The following TEX15 variants were observed in gnomAD, a reference collection of about 807,000 sequenced individuals.
TEX15 encodes testis expressed 15, meiosis and synapsis associated.
Under a neutral mutation model 237.3 loss-of-function variants are expected in TEX15, and 171 were observed. The ratio of observed to expected loss-of-function variants is 0.72; its 90% CI spans 0.64 to 0.82. The LOEUF is 0.82. Ranked by LOEUF, TEX15 falls within the 40% of genes least tolerant of loss-of-function variation. The probability of loss-of-function intolerance (pLI) is 0.00; values close to 1 mark genes in which losing one functional copy is unlikely to be tolerated. For missense variants in TEX15, 3,750 were observed against 3,646.5 expected (o/e 1.03, Z -0.73); for synonymous variants, 1,338 against 1,269.8 (o/e 1.05, Z -1.14).
At chr8:30,841,654 T>C (rs323341) in intron 8 of TEX15, among the ~76,000 whole-genome samples, 3,303 of 152,300 alleles carry the variant, frequency 0.022, 115 homozygotes, top group African/African-American at 0.075. Context: ...CATAGGCTTG[T>C]TATACAGAAA....
Position 30,843,204 on chromosome 8 carries a change from A to T in TEX15, c.6963T>A (p.Asp2321Glu). ...LQKIYDTLSK[D>E]LNNEPISPIG... ...TAGGGGAAATTGGTTCATTGTTTAA[A>T]TCTTTAGACAAAGTATCATATATCT... The change falls in exon 8 of 11, where the codon GAT (aspartate) becomes GAA (glutamate). Residue 2321 changes from aspartate (D) to glutamate (E), a missense_variant. Coordinates refer to ENST00000643185, the MANE Select transcript of TEX15 (RefSeq NM_001350162.2). 6.2e-7 allele frequency: 1 copy of T among 1,613,510 alleles called. No individual in the cohort carries two copies. Among genetic ancestry groups the T allele is most frequent in the Non-Finnish European group, 8.5e-7 (1 of 1,179,636 alleles).
Position 30,843,153 on chromosome 8 carries a change from A to G in TEX15, c.7014T>C (p.Ile2338=), listed in dbSNP as rs1320389202. The change falls in exon 8 of 11, where the codon ATT becomes ATC. Residue 2338 remains isoleucine, a synonymous_variant. Transcript: ENST00000643185. ...TTGGATGATCTGACTTTCTGGAAGC[A>G]ATTATAGTATCCTCCTCAAGCCCAA... ...SPIGLEEDTI[I]ASRKSDHPIN... 7 of 1,613,370 alleles carry G rather than the reference A, an allele frequency of 4.3e-6. No homozygotes were observed. Among genetic ancestry groups the G allele is most frequent in the Non-Finnish European group, 5.1e-6 (6 of 1,179,622 alleles).
chr8:30,895,700 T>TTTTTTA (rs1808891192), intron 2 of TEX15, among the ~76,000 whole-genome samples: 1 of 126,808 alleles, frequency 7.9e-6, no homozygotes, highest in African/African-American at 3.0e-5. Flanking sequence ...TTTTTTTTTT[T>TTTTTTA]GAGCAGAGTC....
intron 5 of TEX15, among the ~76,000 whole-genome samples, chr8:30,861,208 C>T: frequency 6.6e-6 from 1 of 152,108 alleles, no homozygotes; most frequent in Middle Eastern, 3.4e-3. Context: ...CTTTTCTTAA[C>T]ATGTTAAATA....
In TEX15 at chr8:30,890,228, T is replaced by C. The variant is rs116381529; in HGVS notation, c.-9-2917A>G. On this transcript the variant is annotated intron_variant, in intron 2 of 10. Transcript: ENST00000643185. ...TTTGCTAACAATTTAAACATCTATT[T>C]ATATAGGTTTTAAGAGAATGTATGT... Among the ~76,000 whole-genome samples, 928 of 151,818 alleles carry C rather than the reference T, an allele frequency of 6.1e-3. 11 individuals carry two copies. Among genetic ancestry groups the C allele is most frequent in the African/African-American group, 0.021 (878 of 41,434 alleles).
At chr8:30,869,824 A>G (rs760862651) in intron 4 of TEX15, among the ~76,000 whole-genome samples, 5 of 152,034 alleles carry the variant, frequency 3.3e-5, no homozygotes, top group Non-Finnish European at 5.9e-5. Flanking sequence ...CCTGCTTGAT[A>G]ACGTAACTGG....
chr8:30,866,784 C>A (rs1808179159), intron 5 of TEX15, among the ~76,000 whole-genome samples: 1 of 151,740 alleles, frequency 6.6e-6, no homozygotes. Flanking sequence ...ATACCCTGTG[C>A]CCAGCTTTTC....
At chr8:30,907,911 G>T (rs1274941802) in intron 1 of TEX15, among the ~76,000 whole-genome samples, 2 of 151,630 alleles carry the variant, frequency 1.3e-5, no homozygotes, top group Admixed American at 1.3e-4. Context: ...GCACTCCTGG[G>T]CAACAGAGTC....
intron 1 of TEX15, among the ~76,000 whole-genome samples, chr8:30,912,412 C>T (rs920205759): frequency 9.2e-5 from 14 of 152,152 alleles, no homozygotes; most frequent in Non-Finnish European, 2.1e-4. Flanking sequence ...GCGGCTGCTC[C>T]GCGCTGCCTT....
intron 3 of TEX15, among the ~76,000 whole-genome samples, chr8:30,881,626 A>ATTTTTTTTT (rs755911484): frequency 1.3e-5 from 1 of 76,256 alleles, no homozygotes; most frequent in Non-Finnish European, 2.2e-5. Flanking sequence ...ATTTTTTTTT[A>ATTTTTTTTT]TTATTTTTTT....
chr8:30,859,320 T>G (rs1278103463), intron 6 of TEX15, among the ~76,000 whole-genome samples: 2 of 152,074 alleles, frequency 1.3e-5, no homozygotes, highest in Non-Finnish European at 2.9e-5. Context: ...TACTGTTTCA[T>G]CTGATGACTA....
At chr8:30,888,000 T>C (rs998449995) in intron 2 of TEX15, among the ~76,000 whole-genome samples, 8 of 149,714 alleles carry the variant, frequency 5.3e-5, no homozygotes, top group Non-Finnish European at 1.2e-4. Flanking sequence ...AAAGTCTCCC[T>C]GCTCCTGAAA....
At chr8:30,872,755 A>G (rs1045697212) in intron 4 of TEX15, among the ~76,000 whole-genome samples, 14 of 152,284 alleles carry the variant, frequency 9.2e-5, no homozygotes, top group Admixed American at 5.9e-4. Flanking sequence ...AAAGTTAAAA[A>G]AAACAAAAAA....
intron 1 of TEX15, among the ~76,000 whole-genome samples, chr8:30,912,457 G>A (rs1231825412): frequency 1.3e-5 from 2 of 152,184 alleles, no homozygotes; most frequent in African/African-American, 4.8e-5. Flanking sequence ...AGGGAGCCAG[G>A]GCGAGGCGGA....
At chr8:30,903,563 T>G (rs1261353108) in intron 1 of TEX15, among the ~76,000 whole-genome samples, 1 of 152,232 alleles carries the variant, frequency 6.6e-6, no homozygotes, top group African/African-American at 2.4e-5. Context: ...ATATTCTGAC[T>G]GGCTTGACTG....
chr8:30,843,275 C>A lies in TEX15; in HGVS notation c.6892G>T (p.Glu2298Ter). 1 of 1,611,906 alleles carries A rather than the reference C, an allele frequency of 6.2e-7. No individual in the cohort carries two copies. The highest frequency in any genetic ancestry group is 8.5e-7 in the Non-Finnish European group (1 of 1,179,282). Residue 2298 changes from glutamate (E) to a stop codon, truncating the protein, a stop_gained, in exon 8 of 11, where the codon GAA becomes TAA. Coordinates refer to ENST00000643185, the MANE Select transcript of TEX15 (RefSeq NM_001350162.2). LOFTEE classifies it high-confidence loss of function. ...SKKYSQKKDE[E>*]RLLRVNKCAF... ...CATTTATTCACTCTGAGTAGCCTTT[C>A]TTCGTCCTTCTTTTGTGAGTATTTT...
At chr8:30,879,889 C>A (rs984116310) in intron 3 of TEX15, among the ~76,000 whole-genome samples, 2 of 151,270 alleles carry the variant, frequency 1.3e-5, no homozygotes, top group African/African-American at 4.9e-5. Flanking sequence ...GTCTTTTAAT[C>A]CATGAGCACA....
At position 30,844,297 on chromosome 8, in the gene TEX15, T is replaced by C. The variant is rs1359771512; in HGVS notation, c.5870A>G (p.His1957Arg). Residue 1957 changes from histidine to arginine, a missense_variant, in exon 8 of 11, where the codon CAT (histidine) becomes CGT (arginine). His to Arg is a conservative substitution (Grantham distance 29). Coordinates refer to ENST00000643185, the MANE Select transcript of TEX15 (RefSeq NM_001350162.2). ...AGAGTGGGCAGGTAAAATAGGCGTATGATTAACTCCTAGAATTCCTGGTTT... is the reference window on the plus strand; with the variant it reads ...AGAGTGGGCAGGTAAAATAGGCGTACGATTAACTCCTAGAATTCCTGGTTT... Reference protein sequence around the residue: ...ISKPGILGVNHTPILPAHSET... With the variant: ...ISKPGILGVNRTPILPAHSET... 2.5e-6 allele frequency: 4 copies of C among 1,613,314 alleles called. No individual in the cohort carries two copies. The highest frequency in any genetic ancestry group is 2.7e-5 in the African/African-American group (2 of 74,904).
Position 30,845,871 on chromosome 8 carries a change from A to G in TEX15, c.4296T>C (p.Tyr1432=), listed in dbSNP as rs565678578. 1 of 1,613,112 alleles carries G rather than the reference A, an allele frequency of 6.2e-7. No individual in the cohort carries two copies. The highest frequency in any genetic ancestry group is 2.2e-5 in the East Asian group (1 of 44,864). ...AATATTTTCTTTGAGACACAGAACT[A>G]TAACCTTGAAGGTCACAACTTTCCC... The part of the protein sequence containing the change: ...NFWESCDLQG[Y]SSVSQRKYYS... Residue 1432 remains tyrosine, a synonymous_variant, in exon 8 of 11, where the codon TAT becomes TAC. Coordinates refer to ENST00000643185, the MANE Select transcript of TEX15 (RefSeq NM_001350162.2).
Sources: gnomAD v4.1 joint callset for allele counts (sites outside exome capture counted in the v4.1 genomes callset) on GRCh38, gnomAD v4.1.1 for gene constraint, MANE v1.5 for transcripts, NCBI Gene and HGNC (gene_info 2026-07-23, HGNC 2026-07-21) for gene names.